TTBK1: variants seen among roughly 807,000 people sequenced by gnomAD.
TTBK1 encodes tau-tubulin kinase 1.
Under a neutral mutation model 108.5 loss-of-function variants are expected in TTBK1, and 34 were observed. The observed-to-expected ratio is 0.31, with a 90% CI of 0.24 to 0.42. The LOEUF is 0.42. Among genes scored for constraint, TTBK1 ranks in the 10% least tolerant of loss-of-function variants. TTBK1 has a pLI of 1.00. For synonymous variants in TTBK1, 809 were observed against 795.1 expected (o/e 1.02, Z -0.29); for missense variants, 1,539 against 1,826.0 (o/e 0.84, Z 2.86).
At position 43,246,766 on chromosome 6, in the gene TTBK1, G is replaced by A. The variant is rs142221642; in HGVS notation, c.106G>A (p.Val36Met). The A allele has an allele frequency of 6.2e-6, 10 of 1,609,192 alleles. No homozygotes were observed. The African/African-American group carries it at 1.2e-4, about 19-fold the overall frequency. The change falls in exon 2 of 15, where the codon GTG (valine) becomes ATG (methionine). Residue 36 changes from valine to methionine, a missense_variant and splice_region_variant. Transcript: ENST00000259750. ...CTACGTGGTCAAGGATCGCTGGAAG[G>A]TGGTGAGTGAGTGACCCGGCGGGAC... ...ANYVVKDRWK[V>M]LKKIGGGGFG...
chr6:43,275,465 C>T (rs891036381), intron 13 of TTBK1, among the ~76,000 whole-genome samples: 1 of 151,642 alleles, frequency 6.6e-6, no homozygotes, highest in African/African-American at 2.4e-5. Flanking sequence ...TGGAGTGGGG[C>T]TCCCCTCAGT....
Position 43,259,563 on chromosome 6 carries a change from C to A in TTBK1, c.1281C>A (p.Gly427=). The A allele has an allele frequency of 6.2e-7, 1 of 1,603,156 alleles. No homozygotes were observed. The highest frequency in any genetic ancestry group is 8.5e-7 in the Non-Finnish European group (1 of 1,175,060). Residue 427 remains glycine (G), a synonymous_variant, in exon 12 of 15, where the codon GGC becomes GGA. Coordinates refer to ENST00000259750, the MANE Select transcript of TTBK1 (RefSeq NM_032538.3). This position sits in a 1 kb window ranked among gnomAD's most constrained non-coding sequence, Gnocchi z 6.7. ...SPCVEEEQSR[G]MGVPSSPVRA... ...GTGTGGAGGAGGAACAGAGCCGAGG[C>A]ATGGGGGTCCCCAGCTCCCCAGTGC...
In TTBK1 at chr6:43,284,142, C is replaced by T. The variant is rs45564136; in HGVS notation, c.3402C>T (p.Pro1134=). The T allele has an allele frequency of 5.2e-5, 80 of 1,543,720 alleles. No homozygotes were observed. The highest frequency in any genetic ancestry group is 2.0e-4 in the Middle Eastern group (1 of 4,922). Residue 1134 remains proline (P), a synonymous_variant, in exon 14 of 15, where the codon CCC becomes CCT. Coordinates refer to ENST00000259750, the MANE Select transcript of TTBK1 (RefSeq NM_032538.3). ...GCACGGGCTCTGAGGAGGACACGCC[C>T]GCCTCTGAGCCGGCAGCGGCCTTGC... ...LSGTGSEEDT[P]ASEPAAALPR...
chr6:43,262,880 C>G lies in TTBK1; in HGVS notation c.1516C>G (p.Arg506Gly). Residue 506 changes from arginine (R) to glycine (G), a missense_variant, in exon 13 of 15, where the codon CGA becomes GGA. Physicochemically the swap from Arg to Gly is moderately radical, Grantham distance 125 (BLOSUM62 -2). Transcript: ENST00000259750. The stretch of plus-strand genomic sequence containing the variant: ...GTCAGTGGACACAGGCCACGCTGAC[C>G]GACAGGCCAGTGGCCGCATGGACGT... ...MLSVDTGHADRQASGRMDVSA... is the reference protein window; with the variant it reads ...MLSVDTGHADGQASGRMDVSA... 1.2e-6 allele frequency: 2 copies of G among 1,613,260 alleles called. No homozygotes were observed. Among genetic ancestry groups the G allele is most frequent in the Non-Finnish European group, 1.7e-6 (2 of 1,179,678 alleles).
chr6:43,259,615 C>G lies in TTBK1; in HGVS notation c.1333C>G (p.Pro445Ala), dbSNP rs745396464. 1 of 1,611,904 alleles carries G rather than the reference C, an allele frequency of 6.2e-7. No homozygotes were observed. The highest frequency in any genetic ancestry group is 8.5e-7 in the Non-Finnish European group (1 of 1,179,270). The change falls in exon 12 of 15, where the codon CCA becomes GCA. Residue 445 changes from proline to alanine, a missense_variant. This residue lies in a region of TTBK1 where 277 missense variants were observed against 332.4 expected (regional missense o/e 0.83). Coordinates refer to ENST00000259750, the MANE Select transcript of TTBK1 (RefSeq NM_032538.3). The surrounding 1 kb of genome is among the most constrained non-coding windows in gnomAD (Gnocchi z 6.7). ...VRAPPDSPTT[P>A]VRSLRYRRVN... ...TGCCCCCCCAGACTCCCCCACAACC[C>G]CAGTCCGTTCTCTGCGCTACCGGAG... is the stretch of plus-strand genomic sequence containing the variant.
chr6:43,261,751 G>C (rs189310740), intron 12 of TTBK1, among the ~76,000 whole-genome samples: 169 of 146,562 alleles, frequency 1.2e-3, no homozygotes, highest in Non-Finnish European at 1.8e-3. Context: ...GGGGGTGGAG[G>C]TTACAGTGAG....
Position 43,254,575 on chromosome 6 carries a change from C to A in TTBK1, c.500C>A (p.Ser167Tyr). ...AACTTTGCCATGGGCAGGCTGCCCTCCACCTACAGGAAGTGCTATATGCTG... is the reference window on the plus strand; with the variant it reads ...AACTTTGCCATGGGCAGGCTGCCCTACACCTACAGGAAGTGCTATATGCTG... ...PSNFAMGRLP[S>Y]TYRKCYMLDF... Residue 167 changes from serine to tyrosine, a missense_variant, in exon 6 of 15, where the codon TCC (serine) becomes TAC (tyrosine). By Grantham distance (144) the Ser-to-Tyr change is moderately radical (BLOSUM62 -2). Around this residue, in one of 5 missense-constraint regions of TTBK1, gnomAD observed 155 missense variants for 348.5 expected, o/e 0.44. Coordinates refer to ENST00000259750, the MANE Select transcript of TTBK1 (RefSeq NM_032538.3). 1 of 1,580,454 alleles carries A rather than the reference C, an allele frequency of 6.3e-7. No homozygotes were observed. The highest frequency in any genetic ancestry group is 8.6e-7 in the Non-Finnish European group (1 of 1,166,310).
At chr6:43,280,390 T>G (rs772994403) in intron 13 of TTBK1, among the ~76,000 whole-genome samples, 1 of 151,744 alleles carries the variant, frequency 6.6e-6, no homozygotes, top group Non-Finnish European at 1.5e-5. Flanking sequence ...GAGCAGGAGG[T>G]GGGAGGTAGG....
In TTBK1 at chr6:43,269,667, C is replaced by T. The variant is rs757395932; in HGVS notation, c.1986+6317C>T. ...GTTGGAGGAGGACAGACTCTCGGGG[C>T]ACTCCCTCCCGCGGTACAGCCCCCT... On this transcript the variant is annotated intron_variant, in intron 13 of 14. Transcript: ENST00000259750. This position sits in a 1 kb window ranked among gnomAD's most constrained non-coding sequence, Gnocchi z 4.8. 3 of 1,611,126 alleles carry T rather than the reference C, an allele frequency of 1.9e-6. No homozygotes were observed. Among genetic ancestry groups the T allele is most frequent in the African/African-American group, 2.7e-5 (2 of 74,904 alleles).
intron 5 of TTBK1, 77 bp from the exon 6 acceptor site, chr6:43,254,470 A>G: frequency 1.0e-6 from 1 of 986,028 alleles, no homozygotes; most frequent in Non-Finnish European, 1.5e-6. Flanking sequence ...CCAGCTGCAG[A>G]GCTGTTTCTT....
chr6:43,259,018 C>A lies in TTBK1; in HGVS notation c.1017-20C>A. 6.3e-7 allele frequency: 1 copy of A among 1,588,220 alleles called. No individual in the cohort carries two copies. ...GCACCCCTGCCAGCCTTGCCCATGGCTCCCTCCTGCCCTCTCCAGGGTGGT... is the reference window on the plus strand; with the variant it reads ...GCACCCCTGCCAGCCTTGCCCATGGATCCCTCCTGCCCTCTCCAGGGTGGT... On this transcript the variant is annotated intron_variant, in intron 10 of 14. Coordinates refer to ENST00000259750, the MANE Select transcript of TTBK1 (RefSeq NM_032538.3). The surrounding 1 kb of genome is among the most constrained non-coding windows in gnomAD (Gnocchi z 6.7).
chr6:43,253,581 C>T lies in TTBK1; in HGVS notation c.344C>T (p.Ala115Val). The T allele has an allele frequency of 6.2e-7, 1 of 1,608,872 alleles. No homozygotes were observed. The part of the protein sequence containing the change: ...VVMQLQGRNL[A>V]DLRRSQPRGT... ...ACCCCCATGCAGGGCCGGAACCTGG[C>T]CGACCTGCGCCGTAGCCAGCCGCGA... is the stretch of plus-strand genomic sequence containing the variant. Residue 115 changes from alanine (A) to valine (V), a missense_variant, in exon 5 of 15, where the codon GCC (alanine) becomes GTC (valine). Ala to Val is a moderately conservative substitution (Grantham distance 64). Transcript: ENST00000259750. This position sits in a 1 kb window ranked among gnomAD's most constrained non-coding sequence, Gnocchi z 5.8.
rs1224541441 is a variant in TTBK1, at chr6:43,287,620, A to G, written c.*2244A>G. ...TGTCACCAGGAGAGGTGGGGGAGGG[A>G]AAGTGGGCCAGTGGGGAGGGGGTCA... On this transcript the variant is annotated 3_prime_UTR_variant, in exon 15 of 15. Coordinates refer to ENST00000259750, the MANE Select transcript of TTBK1 (RefSeq NM_032538.3). This position sits in a 1 kb window ranked among gnomAD's most constrained non-coding sequence, Gnocchi z 4.1. 2 of 152,084 alleles carry G rather than the reference A, an allele frequency of 1.3e-5. No individual in the cohort carries two copies. The highest frequency in any genetic ancestry group is 4.8e-5 in the African/African-American group (2 of 41,316). The allele number at this position is 152,084 out of a possible 1,614,324, so 9.4% of individuals were successfully genotyped here. A position where few individuals can be genotyped will look rare whatever the true frequency, so the allele number is the denominator to read the frequency against.
intron 10 of TTBK1, among the ~76,000 whole-genome samples, chr6:43,258,175 C>A (rs959004010): frequency 6.6e-6 from 1 of 152,158 alleles, no homozygotes; most frequent in African/African-American, 2.4e-5. Context: ...GAGTTTTTAA[C>A]CTTAGTGGGT....
chr6:43,244,491 C>T, intron 1 of TTBK1, among the ~76,000 whole-genome samples: 1 of 152,186 alleles, frequency 6.6e-6, no homozygotes, highest in East Asian at 1.9e-4. Context: ...CACCATGCGC[C>T]CATGTGCACA....
In TTBK1 at chr6:43,285,010, G is replaced by A. The variant is rs985174914; in HGVS notation, c.3600G>A (p.Ser1200=). 2.7e-5 allele frequency: 41 copies of A among 1,516,898 alleles called. No homozygotes were observed. Among genetic ancestry groups the A allele is most frequent in the Non-Finnish European group, 3.5e-5 (40 of 1,138,140 alleles). The allele number at this position is 1,516,898 out of a possible 1,614,324, so 94.0% of individuals were successfully genotyped here. The change falls in exon 15 of 15, where the codon TCG becomes TCA. Residue 1200 remains serine (S), a synonymous_variant. Transcript: ENST00000259750. The surrounding 1 kb of genome is among the most constrained non-coding windows in gnomAD (Gnocchi z 4.7). ...TCCAGCTGCAGACGCCCCCAGGGTC[G>A]GCCACTGCTGCTGACCTCCGCCCCA... is the stretch of plus-strand genomic sequence containing the variant. ...SRLQLQTPPG[S]ATAADLRPKQ... is the part of the protein sequence containing the mutation.
rs1435472939 is a variant in TTBK1 at position 43,243,917 on chromosome 6, C to T, written c.-55+209C>T. Among the ~76,000 whole-genome samples the T allele has an allele frequency of 1.3e-5, 2 of 152,120 alleles. No homozygotes were observed. Among genetic ancestry groups the T allele is most frequent in the African/African-American group, 4.8e-5 (2 of 41,432 alleles). ...GTCCCCAGCACACAGACCTCCCTCC[C>T]CAACCCGTCCTCCGGGCACTTTGCT... is the stretch of plus-strand genomic sequence containing the variant. On this transcript the variant is annotated intron_variant, in intron 1 of 14. Transcript: ENST00000259750. This position sits in a 1 kb window ranked among gnomAD's most constrained non-coding sequence, Gnocchi z 5.5.
At position 43,265,426 on chromosome 6, in the gene TTBK1, A is replaced by G. The variant is rs1288200906; in HGVS notation, c.1986+2076A>G. On this transcript the variant is annotated intron_variant, in intron 13 of 14. Coordinates refer to ENST00000259750, the MANE Select transcript of TTBK1 (RefSeq NM_032538.3). The surrounding 1 kb of genome is among the most constrained non-coding windows in gnomAD (Gnocchi z 4.1). ...GTATGCATCCAGGCCTTGCCTGGAC[A>G]CTGGAAACTGGGGGCTCAAAAAGTG... Among the ~76,000 whole-genome samples, 1 of 152,176 alleles carries G rather than the reference A, an allele frequency of 6.6e-6. No homozygotes were observed. The highest frequency in any genetic ancestry group is 1.5e-5 in the Non-Finnish European group (1 of 68,014).
At chr6:43,271,792 T>C in intron 13 of TTBK1, 2 of 983,170 alleles carry the variant, frequency 2.0e-6, no homozygotes, top group Non-Finnish European at 2.4e-6. Context: ...TATTTATTTA[T>C]TTTTGAGGAT....
Sources: gnomAD v4.1 joint callset for allele counts (sites outside exome capture counted in the v4.1 genomes callset) on GRCh38, gnomAD v4.1.1 for gene constraint, gnomAD v4.1.1 regional missense constraint, Gnocchi (gnomAD v3.1) non-coding constraint, MANE v1.5 for transcripts, NCBI Gene and HGNC (gene_info 2026-07-23, HGNC 2026-07-21) for gene names.